Variants in SORCS1 observed in about 807,000 individuals in gnomAD.
SORCS1 encodes sortilin related VPS10 domain containing receptor 1.
A neutral mutation model predicts 146.1 loss-of-function variants in SORCS1; 60 were observed. The ratio of observed to expected loss-of-function variants is 0.41; its 90% CI spans 0.33 to 0.51. SORCS1 has a LOEUF of 0.51. SORCS1 is among the 20% of genes least tolerant of loss of function. The pLI, the probability that SORCS1 is intolerant of heterozygous loss-of-function variation, is 0.21. For synonymous variants in SORCS1, 637 were observed against 584.0 expected, an observed-to-expected ratio of 1.09 and a Z score of -1.31; for missense variants, 1,352 against 1,487.6, an observed-to-expected ratio of 0.91 and a Z score of 1.50.
chr10:106,740,317 G>A (rs10884350), intron 5 of SORCS1, among the ~76,000 whole-genome samples: 32,874 of 152,016 alleles, frequency 0.22, 4,409 homozygotes, highest in East Asian at 0.47. Context: ...CTAAACTGAG[G>A]ATTCCTGGGA....
At chr10:106,630,232 G>C (rs1486500063) in intron 18 of SORCS1, among the ~76,000 whole-genome samples, 3 of 152,154 alleles carry the variant, frequency 2.0e-5, no homozygotes, top group Non-Finnish European at 4.4e-5. Flanking sequence ...ATAGGACACT[G>C]TACGCAGCCC....
At chr10:107,074,724 C>T (rs1181818074) in intron 1 of SORCS1, among the ~76,000 whole-genome samples, 2 of 152,038 alleles carry the variant, frequency 1.3e-5, no homozygotes, top group Non-Finnish European at 2.9e-5. Flanking sequence ...TCAGTGTTCT[C>T]AATTTTGGCC....
chr10:106,990,370 A>G lies in SORCS1; in HGVS notation c.559-33790T>C, dbSNP rs1250280087. ...CTGCAACCTTCACCTCCTGGGTTCAAGTGATTCTCCTGCCTCAGCCTCCTG... is the reference window on the plus strand; with the variant it reads ...CTGCAACCTTCACCTCCTGGGTTCAGGTGATTCTCCTGCCTCAGCCTCCTG... On this transcript the variant is annotated intron_variant, in intron 1 of 25. Coordinates refer to ENST00000263054, the MANE Select transcript of SORCS1 (RefSeq NM_052918.5). 2.6e-5 allele frequency among the ~76,000 whole-genome samples: 4 copies of G among 152,186 alleles called. No homozygotes were observed. The East Asian group carries it at 7.8e-4, about 29-fold the overall frequency.
intron 2 of SORCS1, among the ~76,000 whole-genome samples, chr10:106,852,483 C>T (rs1949623551): frequency 6.6e-6 from 1 of 151,936 alleles, no homozygotes; most frequent in Admixed American, 6.6e-5. Context: ...CAAAAATTAG[C>T]TGGGCATGGT....
At position 107,048,693 on chromosome 10, in the gene SORCS1, C is replaced by T. The variant is rs112168580; in HGVS notation, c.559-92113G>A. Among the ~76,000 whole-genome samples, 322 of 152,268 alleles carry T rather than the reference C, an allele frequency of 2.1e-3. 1 individual carries two copies. Among genetic ancestry groups the T allele is most frequent in the African/African-American group, 6.4e-3 (267 of 41,536 alleles). Reference sequence around the variant, plus strand: ...TATGGAAGCTTACTTAAGTGTACCTCTTCACACCCATTCACATCGTAGGTG... The same window carrying T: ...TATGGAAGCTTACTTAAGTGTACCTTTTCACACCCATTCACATCGTAGGTG... On this transcript the variant is annotated intron_variant, in intron 1 of 25. Coordinates refer to ENST00000263054, the MANE Select transcript of SORCS1 (RefSeq NM_052918.5).
intron 21 of SORCS1, among the ~76,000 whole-genome samples, chr10:106,613,751 A>G (rs1413899761): frequency 2.0e-5 from 3 of 152,160 alleles, no homozygotes. Context: ...GATTCTTACC[A>G]CAGCCTTCCT....
chr10:106,862,872 T>G (rs1368890314), intron 2 of SORCS1, among the ~76,000 whole-genome samples: 3 of 151,934 alleles, frequency 2.0e-5, no homozygotes, highest in Admixed American at 2.0e-4. Flanking sequence ...GTCAAGCATT[T>G]AGTTGAGACC....
chr10:106,861,399 TA>T (rs35890575), intron 2 of SORCS1, among the ~76,000 whole-genome samples: 14,847 of 128,154 alleles, frequency 0.12, 1,533 homozygotes, highest in African/African-American at 0.29. Context: ...GACTCCGCCT[TA>T]AAAAAAAAAA....
chr10:106,947,447 G>T (rs565071618), intron 2 of SORCS1, among the ~76,000 whole-genome samples: 52 of 152,176 alleles, frequency 3.4e-4, no homozygotes, highest in Non-Finnish European at 5.9e-4. Flanking sequence ...TGTAGCACAG[G>T]CATTCAGAGA....
rs1309543180 is a variant in SORCS1 at position 106,967,528 on chromosome 10, A to C, written c.559-10948T>G. On this transcript the variant is annotated intron_variant, in intron 1 of 25. Transcript: ENST00000263054. ...TCTACATATGGATAGTAAAATAGAA[A>C]AATGAAACAGGCCTACAGACCCAAA... 2.0e-5 allele frequency among the ~76,000 whole-genome samples: 3 copies of C among 152,198 alleles called. 1 individual carries two copies. In the East Asian group the frequency reaches 5.8e-4, roughly 29 times the overall value.
intron 1 of SORCS1, among the ~76,000 whole-genome samples, chr10:107,004,234 C>T (rs1206516303): frequency 6.6e-6 from 1 of 150,722 alleles, no homozygotes; most frequent in Non-Finnish European, 1.5e-5. Context: ...TGTAATAACT[C>T]CTGATATCCA....
intron 18 of SORCS1, among the ~76,000 whole-genome samples, chr10:106,630,636 T>G (rs1007495858): frequency 7.9e-5 from 12 of 152,232 alleles, no homozygotes; most frequent in Admixed American, 3.3e-4. Flanking sequence ...TAATAATACC[T>G]TCCTGTCTTA....
At chr10:107,003,788 T>C (rs1302681933) in intron 1 of SORCS1, among the ~76,000 whole-genome samples, 1 of 151,964 alleles carries the variant, frequency 6.6e-6, no homozygotes, top group Non-Finnish European at 1.5e-5. Context: ...TGTTACATAA[T>C]TAACATGGCC....
chr10:106,640,004 G>A (rs1381874550), intron 18 of SORCS1, among the ~76,000 whole-genome samples: 5 of 150,920 alleles, frequency 3.3e-5, no homozygotes, highest in African/African-American at 1.2e-4. Flanking sequence ...GCAACAGGGT[G>A]TGTCTCAAAA....
chr10:106,898,430 C>A (rs911309840), intron 2 of SORCS1, among the ~76,000 whole-genome samples: 1 of 152,188 alleles, frequency 6.6e-6, no homozygotes. Context: ...ACATTAGGAA[C>A]CAGTTAACCA....
At chr10:107,149,641 T>C (rs1968608439) in intron 1 of SORCS1, among the ~76,000 whole-genome samples, 1 of 152,242 alleles carries the variant, frequency 6.6e-6, no homozygotes, top group African/African-American at 2.4e-5. Context: ...TGATTGTGTG[T>C]GTTGGTTGGG....
chr10:106,866,912 C>T (rs1950240351), intron 2 of SORCS1, among the ~76,000 whole-genome samples: 2 of 152,304 alleles, frequency 1.3e-5, no homozygotes, highest in Admixed American at 6.5e-5. Flanking sequence ...AAAACCAATG[C>T]AAAGCCTCTC....
intron 3 of SORCS1, among the ~76,000 whole-genome samples, chr10:106,791,587 T>C (rs538311223): frequency 9.9e-5 from 15 of 152,210 alleles, no homozygotes; most frequent in Non-Finnish European, 2.2e-4. Context: ...TAGTCCTAGC[T>C]ACTCAGGAGG....
intron 9 of SORCS1, among the ~76,000 whole-genome samples, chr10:106,691,272 C>A (rs1853273463): frequency 6.6e-6 from 1 of 152,150 alleles, no homozygotes; most frequent in Non-Finnish European, 1.5e-5. Flanking sequence ...TTTCTGATGA[C>A]AAACCTCCCA....
Sources: gnomAD v4.1 joint callset for allele counts (sites outside exome capture counted in the v4.1 genomes callset) on GRCh38, gnomAD v4.1.1 for gene constraint, MANE v1.5 for transcripts, NCBI Gene and HGNC (gene_info 2026-07-23, HGNC 2026-07-21) for gene names.